The following PABPC4L variants were observed in gnomAD, a reference collection of about 807,000 sequenced individuals.
The protein encoded by PABPC4L is polyadenylate-binding protein 4-like.
For synonymous variants in PABPC4L, 169 were observed against 164.1 expected (o/e 1.03, Z -0.23); for missense variants, 452 against 451.4 (o/e 1.00, Z -0.01).
chr4:134,192,586 C>T (rs1729542451), downstream of PABPC4L, among the ~76,000 whole-genome samples: 2 of 152,098 alleles, frequency 1.3e-5, no homozygotes, highest in Non-Finnish European at 1.5e-5. Flanking sequence ...AGTGGCATTA[C>T]TTGTTATTGT....
At chr4:134,188,679 T>A in the PABPC4L span, among the ~76,000 whole-genome samples, 1 of 152,086 alleles carries the variant, frequency 6.6e-6, no homozygotes, top group African/African-American at 2.4e-5. Flanking sequence ...AAGAACTCAG[T>A]TACTCATCTA....
At chr4:134,089,245 G>A in the PABPC4L span, among the ~76,000 whole-genome samples, 1 of 151,848 alleles carries the variant, frequency 6.6e-6, no homozygotes, top group South Asian at 2.1e-4. Context: ...CAATTTTTTA[G>A]TTCTTTTTTA....
At chr4:134,092,434 T>C in the PABPC4L span, among the ~76,000 whole-genome samples, 1 of 151,930 alleles carries the variant, frequency 6.6e-6, no homozygotes, top group Non-Finnish European at 1.5e-5. Context: ...CATCACTCAA[T>C]AAAACCTCTT....
chr4:134,129,919 G>T, the PABPC4L span, among the ~76,000 whole-genome samples: 1 of 151,896 alleles, frequency 6.6e-6, no homozygotes, highest in Admixed American at 6.6e-5. Flanking sequence ...AATACAATTA[G>T]CCAGGCGTGG....
At chr4:134,023,993 A>T in the PABPC4L span, among the ~76,000 whole-genome samples, 1 of 152,206 alleles carries the variant, frequency 6.6e-6, no homozygotes, top group Non-Finnish European at 1.5e-5. Flanking sequence ...ATTATGATCA[A>T]TAACAAAAAT....
At chr4:134,037,641 TTAA>T in the PABPC4L span, among the ~76,000 whole-genome samples, 2 of 152,046 alleles carry the variant, frequency 1.3e-5, no homozygotes, top group Non-Finnish European at 2.9e-5. Context: ...ATACAAATGG[TTAA>T]TAAACATGTG....
At chr4:134,047,307 G>A in the PABPC4L span, among the ~76,000 whole-genome samples, 9 of 151,970 alleles carry the variant, frequency 5.9e-5, no homozygotes, top group African/African-American at 1.2e-4. Context: ...GAAATATAAC[G>A]GATCCCTTCC....
the PABPC4L span, among the ~76,000 whole-genome samples, chr4:134,054,252 GTATATATATATATATATATATA>G: frequency 2.2e-3 from 203 of 93,780 alleles, 3 homozygotes; most frequent in African/African-American, 6.8e-3. Flanking sequence ...AGTTGTATAT[GTATATATATATATATATATATA>G]TATATATATA....
the PABPC4L span, among the ~76,000 whole-genome samples, chr4:134,132,956 T>A: frequency 6.9e-6 from 1 of 144,416 alleles, no homozygotes; most frequent in Non-Finnish European, 1.5e-5. Context: ...TTATGTAGAA[T>A]GTATAAATAT....
At position 134,199,154 on chromosome 4, in the gene PABPC4L, A is replaced by G. The variant is rs1359925628; in HGVS notation, c.*753T>C. 6.6e-6 allele frequency: 1 copy of G among 152,104 alleles called. No homozygotes were observed. Among genetic ancestry groups the G allele is most frequent in the Non-Finnish European group, 1.5e-5 (1 of 67,940 alleles). The allele number at this position is 152,104 out of a possible 1,614,324, so 9.4% of individuals were successfully genotyped here. A position where few individuals can be genotyped will look rare whatever the true frequency, so the allele number is the denominator to read the frequency against. ...CCAACTTTGGATCACCTGAGTTGAT[A>G]ACAGATTTATAACTTAAGGAATGTA... On this transcript the variant is annotated 3_prime_UTR_variant, in exon 2 of 2. Transcript: ENST00000421491.
At chr4:134,072,743 G>C in the PABPC4L span, among the ~76,000 whole-genome samples, 2 of 152,082 alleles carry the variant, frequency 1.3e-5, no homozygotes, top group Non-Finnish European at 1.5e-5. Context: ...CCACATGGCT[G>C]GGGAGGCCTC....
At chr4:134,154,558 C>A in the PABPC4L span, among the ~76,000 whole-genome samples, 1 of 152,146 alleles carries the variant, frequency 6.6e-6, no homozygotes, top group South Asian at 2.1e-4. Flanking sequence ...TCATTGATTC[C>A]TCTATAAACA....
At chr4:134,050,875 C>T in the PABPC4L span, among the ~76,000 whole-genome samples, 22 of 99,710 alleles carry the variant, frequency 2.2e-4, no homozygotes, top group Admixed American at 2.2e-3. Flanking sequence ...TCTATATTGA[C>T]CTTTATTTTT....
chr4:134,008,638 G>C, the PABPC4L span, among the ~76,000 whole-genome samples: 3 of 151,884 alleles, frequency 2.0e-5, no homozygotes, highest in Admixed American at 2.0e-4. Context: ...CATAAATACG[G>C]AGATATAGTG....
chr4:134,196,341 T>A lies in PABPC4L; in HGVS notation c.*3566A>T, dbSNP rs565376344. 4.3e-4 allele frequency: 66 copies of A among 151,794 alleles called. 1 individual carries two copies. In the South Asian group the frequency reaches 0.014, roughly 32 times the overall value. The allele number at this position is 151,794 out of a possible 1,614,324, so 9.4% of individuals were successfully genotyped here. Reference sequence around the variant, plus strand: ...ATCATTTTCAAACATGCTTTCACCTTTGAAATATTAGATTTTATTTGACAT... The same window carrying A: ...ATCATTTTCAAACATGCTTTCACCTATGAAATATTAGATTTTATTTGACAT... On this transcript the variant is annotated 3_prime_UTR_variant, in exon 2 of 2. Coordinates refer to ENST00000421491, the MANE Select transcript of PABPC4L (RefSeq NM_001114734.2).
At chr4:134,081,246 G>T in the PABPC4L span, among the ~76,000 whole-genome samples, 2 of 152,162 alleles carry the variant, frequency 1.3e-5, no homozygotes, top group East Asian at 3.9e-4. Flanking sequence ...TGGTGGAATG[G>T]GGTTTAGTCC....
the PABPC4L span, among the ~76,000 whole-genome samples, chr4:134,088,855 C>T: frequency 7.9e-5 from 12 of 152,040 alleles, no homozygotes; most frequent in Non-Finnish European, 1.6e-4. Flanking sequence ...TTCATTATGT[C>T]CACAAATCTT....
At chr4:133,960,512 G>T in the PABPC4L span, among the ~76,000 whole-genome samples, 1 of 152,334 alleles carries the variant, frequency 6.6e-6, no homozygotes, top group East Asian at 1.9e-4. Context: ...GCCATAGGAA[G>T]AAGGAAGTCT....
chr4:134,155,774 A>AT, the PABPC4L span, among the ~76,000 whole-genome samples: 1 of 151,980 alleles, frequency 6.6e-6, no homozygotes, highest in African/African-American at 2.4e-5. Context: ...GAAGATAAAT[A>AT]TTTTTGTAAT....
Sources: gnomAD v4.1 joint callset for allele counts (sites outside exome capture counted in the v4.1 genomes callset) on GRCh38, gnomAD v4.1.1 for gene constraint, MANE v1.5 for transcripts, NCBI Gene and HGNC (gene_info 2026-07-23, HGNC 2026-07-21) for gene names.